AGO2: variants seen among roughly 807,000 people sequenced by gnomAD.
The protein encoded by AGO2 is argonaute RISC catalytic component 2, also known as protein argonaute-2.
In AGO2, 5 loss-of-function variants were observed where a neutral mutation model predicts 102.3. That is an observed-to-expected ratio of 0.05 (90% CI 0.03 to 0.10). AGO2 has a LOEUF of 0.10. AGO2 is among the 10% of genes least tolerant of loss of function. AGO2 has a pLI of 1.00. For missense variants in AGO2, 541 were observed against 1,183.7 expected, an observed-to-expected ratio of 0.46 and a Z score of 7.97; for synonymous variants, 449 against 473.1, an observed-to-expected ratio of 0.95 and a Z score of 0.66.
At position 140,523,288 on chromosome 8, in the gene AGO2, A is replaced by G. The variant is rs1253676685; in HGVS notation, c.*8756T>C. 1 of 152,212 alleles carries G rather than the reference A, an allele frequency of 6.6e-6. No individual in the cohort carries two copies. Among genetic ancestry groups the G allele is most frequent in the African/African-American group, 2.4e-5 (1 of 41,456 alleles). 9.4% of individuals were successfully genotyped at this position (152,212 alleles called of 1,614,324 possible). On this transcript the variant is annotated 3_prime_UTR_variant, in exon 19 of 19. Transcript: ENST00000220592. ...CTTTCAATGGTCATAATACATTTTGATTCAAAATGTCTTCTAAAATGTTTT... is the reference window on the plus strand; with the variant it reads ...CTTTCAATGGTCATAATACATTTTGGTTCAAAATGTCTTCTAAAATGTTTT...
intron 3 of AGO2, among the ~76,000 whole-genome samples, chr8:140,563,456 G>C (rs2073234134): frequency 6.6e-6 from 1 of 152,154 alleles, no homozygotes; most frequent in African/African-American, 2.4e-5. Flanking sequence ...TGCTGGTTTT[G>C]AACTCCTGGG....
intron 14 of AGO2, among the ~76,000 whole-genome samples, chr8:140,542,865 G>A (rs552427328): frequency 6.6e-6 from 1 of 152,348 alleles, no homozygotes; most frequent in Non-Finnish European, 1.5e-5. Flanking sequence ...ATGGCCAGGT[G>A]CAGTGGCTCA....
At chr8:140,639,594 G>T (rs1290112538), upstream of AGO2, among the ~76,000 whole-genome samples, 1 of 143,938 alleles carries the variant, frequency 6.9e-6, no homozygotes, top group Admixed American at 7.0e-5. Context: ...GACCAGCCTG[G>T]GGACCCCATC....
intron 8 of AGO2, 102 bp from the exon 9 acceptor site, chr8:140,556,388 G>T: frequency 6.9e-7 from 1 of 1,459,192 alleles, no homozygotes; most frequent in Non-Finnish European, 9.3e-7. Flanking sequence ...GCTTGGGACC[G>T]TCTCTGCCTC....
At chr8:140,619,597 C>A (rs1000570050) in intron 1 of AGO2, among the ~76,000 whole-genome samples, 1 of 152,176 alleles carries the variant, frequency 6.6e-6, no homozygotes, top group African/African-American at 2.4e-5. Context: ...GGACCTACCC[C>A]CAGGCAACTC....
intron 2 of AGO2, among the ~76,000 whole-genome samples, chr8:140,577,125 G>A (rs1173985952): frequency 1.4e-5 from 2 of 146,416 alleles, no homozygotes; most frequent in East Asian, 2.0e-4. Context: ...CGAGAATGGC[G>A]TGAACCCGGG....
At chr8:140,549,847 C>T (rs1258489755) in intron 11 of AGO2, among the ~76,000 whole-genome samples, 5 of 152,204 alleles carry the variant, frequency 3.3e-5, no homozygotes, top group African/African-American at 1.2e-4. Flanking sequence ...CAGCTGGCAA[C>T]GGCTAGCCTT....
intron 10 of AGO2, among the ~76,000 whole-genome samples, chr8:140,552,754 A>G (rs199943354): frequency 0.013 from 368 of 28,192 alleles, 2 homozygotes; most frequent in African/African-American, 0.081. Context: ...ACACACACAC[A>G]CACACACACA....
At chr8:140,546,433 G>A (rs2072902314) in intron 13 of AGO2, among the ~76,000 whole-genome samples, 1 of 152,240 alleles carries the variant, frequency 6.6e-6, no homozygotes, top group South Asian at 2.1e-4. Flanking sequence ...TGGGGTTCAA[G>A]AGCTGCTCAG....
intron 1 of AGO2, among the ~76,000 whole-genome samples, chr8:140,609,292 G>A (rs963989759): frequency 1.3e-5 from 2 of 152,234 alleles, no homozygotes; most frequent in Admixed American, 6.5e-5. Context: ...GAGCAGAAAC[G>A]GGGAACCTAG....
At chr8:140,547,323 A>C in intron 13 of AGO2, 145 bp downstream of exon 13, 1 of 1,042,580 alleles carries the variant, frequency 9.6e-7, no homozygotes, top group Non-Finnish European at 1.3e-6. Context: ...TCTATGTCTG[A>C]CATCTTTGCT....
chr8:140,541,307 C>T lies in AGO2; in HGVS notation c.1891G>A (p.Val631Met), dbSNP rs1035096734. The change falls in exon 15 of 19, where the codon GTG (valine) becomes ATG (methionine). Residue 631 changes from valine (V) to methionine (M), a missense_variant. This residue lies in a region of AGO2 where 309 missense variants were observed against 735.1 expected (regional missense o/e 0.42). Transcript: ENST00000220592. ...HPNRYCATVR[V>M]QQHRQEIIQD... ...ATGATCTCCTGCCGGTGCTGCTGCACGCGCACGGTGGCGCAGTAGCGATTG... is the reference window on the plus strand; with the variant it reads ...ATGATCTCCTGCCGGTGCTGCTGCATGCGCACGGTGGCGCAGTAGCGATTG... The T allele has an allele frequency of 1.2e-6, 2 of 1,613,230 alleles. No homozygotes were observed. The highest frequency in any genetic ancestry group is 8.5e-7 in the Non-Finnish European group (1 of 1,179,832).
intron 1 of AGO2, among the ~76,000 whole-genome samples, chr8:140,627,715 A>G (rs999204760): frequency 7.2e-5 from 11 of 152,192 alleles, no homozygotes; most frequent in African/African-American, 2.2e-4. Context: ...AGCCCCAGTA[A>G]TCACCTTCAG....
chr8:140,555,817 C>T (rs956633624), intron 10 of AGO2, 79 bp downstream of exon 10: 17 of 1,525,822 alleles, frequency 1.1e-5, no homozygotes, highest in South Asian at 3.7e-5. Flanking sequence ...ACACCGCGGG[C>T]GATAGCTCAG....
chr8:140,615,780 G>A (rs897762979), intron 1 of AGO2, among the ~76,000 whole-genome samples: 6 of 152,224 alleles, frequency 3.9e-5, no homozygotes, highest in African/African-American at 9.6e-5. Context: ...TCCTGCCCAC[G>A]GTCTGTTCTG....
intron 1 of AGO2, among the ~76,000 whole-genome samples, chr8:140,628,393 G>A (rs2074301574): frequency 6.6e-6 from 1 of 151,108 alleles, no homozygotes; most frequent in Admixed American, 6.6e-5. Flanking sequence ...GCACGTGTGT[G>A]TGTGCGTGTG....
rs1452788616 is a variant in AGO2 at position 140,562,628 on chromosome 8, G to C, written c.343C>G (p.Leu115Val). The C allele has an allele frequency of 6.2e-7, 1 of 1,613,358 alleles. No homozygotes were observed. Among genetic ancestry groups the C allele is most frequent in the Non-Finnish European group, 8.5e-7 (1 of 1,179,816 alleles). ...CCTTCTCCTGGCAGCGTGACCTCCA[G>C]CTCCACCTGCGAGGATCCAAGGCAC... The part of the protein sequence containing the change: ...PLPIGRDKVE[L>V]EVTLPGEGKD... Residue 115 changes from leucine to valine, a missense_variant, in exon 4 of 19, where the codon CTG (leucine) becomes GTG (valine). Physicochemically the swap from Leu to Val is conservative, Grantham distance 32. Coordinates refer to ENST00000220592, the MANE Select transcript of AGO2 (RefSeq NM_012154.5).
At chr8:140,555,864 CA>C (rs2073085732) in intron 10 of AGO2, 31 bp downstream of exon 10, 1 of 1,603,504 alleles carries the variant, frequency 6.2e-7, no homozygotes. Context: ...ACATGCCCCG[CA>C]GCCACACGTT....
At chr8:140,633,168 C>G (rs747340452) in intron 1 of AGO2, among the ~76,000 whole-genome samples, 5 of 151,986 alleles carry the variant, frequency 3.3e-5, no homozygotes, top group Non-Finnish European at 7.4e-5. Context: ...GCCTTGGCCT[C>G]CCAATGTAAT....
Sources: gnomAD v4.1 joint callset for allele counts (sites outside exome capture counted in the v4.1 genomes callset) on GRCh38, gnomAD v4.1.1 for gene constraint, gnomAD v4.1.1 regional missense constraint, MANE v1.5 for transcripts, NCBI Gene and HGNC (gene_info 2026-07-23, HGNC 2026-07-21) for gene names.